Variants in SEPTIN7 observed in about 807,000 individuals in gnomAD.
The protein encoded by SEPTIN7 is septin-7.
SEPTIN7 carries 10 observed loss-of-function variants against 63.3 expected under a neutral mutation model. The ratio of observed to expected loss-of-function variants is 0.16; its 90% CI spans 0.10 to 0.27. The LOEUF (loss-of-function observed/expected upper bound fraction) is 0.27. SEPTIN7 is among the 10% of genes least tolerant of loss of function. The probability of loss-of-function intolerance (pLI) is 1.00; values close to 1 mark genes in which losing one functional copy is unlikely to be tolerated. For synonymous variants in SEPTIN7, 131 were observed against 165.3 expected (o/e 0.79, Z 1.59); for missense variants, 310 against 521.0 (o/e 0.59, Z 3.94).
At chr7:35,886,169 C>A (rs80236278) in intron 10 of SEPTIN7, among the ~76,000 whole-genome samples, 2,266 of 152,310 alleles carry the variant, frequency 0.015, 52 homozygotes, top group African/African-American at 0.05. Context: ...GTAGAAGAGG[C>A]TCTTTTTTCT....
chr7:35,841,613 G>C (rs1410185372), intron 3 of SEPTIN7, among the ~76,000 whole-genome samples: 1 of 152,152 alleles, frequency 6.6e-6, no homozygotes, highest in Non-Finnish European at 1.5e-5. Flanking sequence ...TGGATAGGTG[G>C]ACTGAAGTAA....
At chr7:35,829,128 CTTTTTTTTTTTTTTT>C (rs71553032) in intron 1 of SEPTIN7, among the ~76,000 whole-genome samples, 2 of 61,062 alleles carry the variant, frequency 3.3e-5, no homozygotes, top group East Asian at 5.1e-4. Context: ...CATGGACCTT[CTTTTTTTTTTTTTTT>C]TTTTTTTTTG....
chr7:35,893,378 T>G (rs1424761009), intron 11 of SEPTIN7, among the ~76,000 whole-genome samples: 1 of 152,178 alleles, frequency 6.6e-6, no homozygotes. Flanking sequence ...CACACTTTGG[T>G]TTTAGAATAT....
chr7:35,822,682 T>C (rs753683054), intron 1 of SEPTIN7, among the ~76,000 whole-genome samples: 4 of 152,174 alleles, frequency 2.6e-5, no homozygotes, highest in Non-Finnish European at 4.4e-5. Flanking sequence ...GGCCTGGAAG[T>C]TGGGGACCCC....
intron 6 of SEPTIN7, 125 bp from the exon 7 acceptor site, chr7:35,879,698 A>G: frequency 6.2e-6 from 4 of 648,068 alleles, no homozygotes; most frequent in Non-Finnish European, 1.1e-5. Flanking sequence ...GGCCTAATAC[A>G]TCTTCAGAGT....
At chr7:35,839,648 G>A (rs954295398) in intron 3 of SEPTIN7, among the ~76,000 whole-genome samples, 1 of 152,058 alleles carries the variant, frequency 6.6e-6, no homozygotes, top group Admixed American at 6.6e-5. Flanking sequence ...CACCTCCCAG[G>A]TTCAAGCAAT....
At chr7:35,860,980 T>G (rs1785474428) in intron 3 of SEPTIN7, among the ~76,000 whole-genome samples, 1 of 152,180 alleles carries the variant, frequency 6.6e-6, no homozygotes, top group Non-Finnish European at 1.5e-5. Flanking sequence ...ATTTATTTCA[T>G]AATCTCTTGG....
the SEPTIN7 span, among the ~76,000 whole-genome samples, chr7:35,912,254 G>A: frequency 2.0e-5 from 3 of 152,190 alleles, no homozygotes; most frequent in Non-Finnish European, 2.9e-5. Context: ...CGGAATGAAG[G>A]CAAGGAACAC....
intron 6 of SEPTIN7, among the ~76,000 whole-genome samples, chr7:35,878,750 C>G (rs1353078921): frequency 6.6e-6 from 1 of 152,028 alleles, no homozygotes; most frequent in African/African-American, 2.4e-5. Context: ...GATTGTAATG[C>G]CATTCACTGA....
intron 1 of SEPTIN7, among the ~76,000 whole-genome samples, chr7:35,819,389 T>C (rs1231374714): frequency 1.3e-5 from 2 of 152,186 alleles, no homozygotes; most frequent in African/African-American, 2.4e-5. Flanking sequence ...TGGAGAATAT[T>C]CCATGTGCAC....
chr7:35,852,193 C>CT (rs1784998550), intron 3 of SEPTIN7, among the ~76,000 whole-genome samples: 1 of 152,274 alleles, frequency 6.6e-6, no homozygotes, highest in East Asian at 1.9e-4. Context: ...CACACCAACT[C>CT]TGTGTTGTTG....
intron 3 of SEPTIN7, among the ~76,000 whole-genome samples, chr7:35,849,427 C>CT (rs1227110003): frequency 2.6e-5 from 4 of 152,104 alleles, no homozygotes; most frequent in African/African-American, 9.7e-5. Flanking sequence ...GCTTGCATTC[C>CT]TTTGAGAATC....
intron 3 of SEPTIN7, among the ~76,000 whole-genome samples, chr7:35,857,965 CAG>C (rs1234081175): frequency 5.3e-5 from 8 of 151,866 alleles, no homozygotes; most frequent in African/African-American, 1.9e-4. Context: ...TTTTTTGGGA[CAG>C]AGTCTTGCTC....
At chr7:35,855,557 A>G (rs1045967540) in intron 3 of SEPTIN7, among the ~76,000 whole-genome samples, 2 of 152,148 alleles carry the variant, frequency 1.3e-5, no homozygotes, top group African/African-American at 4.8e-5. Flanking sequence ...TTTTCTCCAA[A>G]TACTTTAGTC....
At chr7:35,802,569 C>T (rs1788064369) in intron 1 of SEPTIN7, among the ~76,000 whole-genome samples, 1 of 152,186 alleles carries the variant, frequency 6.6e-6, no homozygotes, top group East Asian at 1.9e-4. Flanking sequence ...AAGCATCTAA[C>T]CTGTTTTACA....
intron 4 of SEPTIN7, among the ~76,000 whole-genome samples, chr7:35,864,685 A>G (rs1385761916): frequency 6.6e-6 from 1 of 152,132 alleles, no homozygotes; most frequent in Non-Finnish European, 1.5e-5. Context: ...TATAAATTAT[A>G]TGATTGATAT....
At chr7:35,825,568 C>T (rs1004446860) in intron 1 of SEPTIN7, among the ~76,000 whole-genome samples, 12 of 152,138 alleles carry the variant, frequency 7.9e-5, no homozygotes, top group Non-Finnish European at 1.8e-4. Flanking sequence ...TCTGTGCTTT[C>T]CTGTATCAGG....
chr7:35,827,998 G>C (rs2115849769), intron 1 of SEPTIN7, among the ~76,000 whole-genome samples: 1 of 152,248 alleles, frequency 6.6e-6, no homozygotes, highest in African/African-American at 2.4e-5. Flanking sequence ...CTGTGTGTCA[G>C]CACTTTGCTA....
rs2715597 is a variant in SEPTIN7, at chr7:35,905,592, T to C, written c.*1299T>C. The C allele has an allele frequency of 0.87, 132,332 of 152,214 alleles. 58,158 individuals are homozygous for C. Among genetic ancestry groups the C allele is most frequent in the East Asian group, 0.99 (5,139 of 5,182 alleles). 9.4% of individuals were successfully genotyped at this position (152,214 alleles called of 1,614,324 possible). On this transcript the variant is annotated 3_prime_UTR_variant, in exon 14 of 14. Transcript: ENST00000350320. Reference sequence around the variant, plus strand: ...GGAGTGCGGTGGCACAAACACGACTTGACTGCAGCCTCAACCCTCTGGGCT... The same window carrying C: ...GGAGTGCGGTGGCACAAACACGACTCGACTGCAGCCTCAACCCTCTGGGCT...
Sources: allele counts gnomAD v4.1 joint callset (sites outside exome capture counted in the v4.1 genomes callset), GRCh38; gene constraint gnomAD v4.1.1; transcripts MANE v1.5; gene names NCBI Gene and HGNC (gene_info 2026-07-23, HGNC 2026-07-21).